Variants in SLC16A5 observed in about 807,000 individuals in gnomAD.
SLC16A5 encodes solute carrier family 16 member 5, also known as monocarboxylate transporter 6.
SLC16A5 carries 29 observed loss-of-function variants against 33.2 expected under a neutral mutation model. The ratio of observed to expected loss-of-function variants is 0.87; its 90% CI spans 0.65 to 1.19. The LOEUF is 1.19. Ranked by LOEUF, SLC16A5 falls within the 50% of genes most tolerant of loss-of-function variation. SLC16A5 has a pLI of 0.00. For missense variants in SLC16A5, 606 were observed against 678.2 expected (o/e 0.89, Z 1.18); for synonymous variants, 248 against 284.1 (o/e 0.87, Z 1.28).
rs2073742524 is a variant in SLC16A5 at position 75,098,023 on chromosome 17, T to C, written c.200-15T>C. ...CCTCATTCAGCTGCTACCTGCTGGC[T>C]GTCTTCTCCCACAGGGCCCCTGTGC... On this transcript the variant is annotated splice_polypyrimidine_tract_variant and intron_variant, in intron 3 of 6. Transcript: ENST00000329783. 1.3e-6 allele frequency: 2 copies of C among 1,572,436 alleles called. No individual in the cohort carries two copies. The highest frequency in any genetic ancestry group is 2.3e-5 in the South Asian group (2 of 85,446).
intron 5 of SLC16A5, among the ~76,000 whole-genome samples, chr17:75,102,090 CTTTTTCCCT>C (rs1431567611): frequency 2.0e-5 from 3 of 152,166 alleles, no homozygotes; most frequent in Admixed American, 6.6e-5. Context: ...CCAGGCAAGT[CTTTTTCCCT>C]TTTTGAGCCA....
intron 3 of SLC16A5, among the ~76,000 whole-genome samples, chr17:75,095,347 C>T (rs980385474): frequency 6.6e-6 from 1 of 152,296 alleles, no homozygotes; most frequent in Non-Finnish European, 1.5e-5. Flanking sequence ...ACCTACTCCC[C>T]AGCTGACTTG....
At chr17:75,087,851 A>C (rs28688213), upstream of SLC16A5, 1 of 152,116 alleles carries the variant, frequency 6.6e-6, no homozygotes, top group Admixed American at 6.6e-5. Flanking sequence ...CCCCTCCCGC[A>C]TCCTGGCCCC....
chr17:75,093,872 A>C lies in SLC16A5; in HGVS notation c.199+37A>C, dbSNP rs201920599. ...AGGGAGGGGCCGATGAGAAAGTCCT[A>C]GGGGTTGCGGGGAAGCCACAACCTC... is the stretch of plus-strand genomic sequence containing the variant. On this transcript the variant is annotated intron_variant, in intron 3 of 6. Coordinates refer to ENST00000329783, the MANE Select transcript of SLC16A5 (RefSeq NM_004695.4). 6 of 1,593,876 alleles carry C rather than the reference A, an allele frequency of 3.8e-6. No homozygotes were observed. The Admixed American group carries it at 5.1e-5, about 14-fold the overall frequency.
intron 2 of SLC16A5, among the ~76,000 whole-genome samples, chr17:75,090,554 G>A (rs968262735): frequency 2.0e-5 from 3 of 151,010 alleles, no homozygotes; most frequent in East Asian, 2.0e-4. Context: ...TCCGCCTCCC[G>A]GGTTCAAGCG....
chr17:75,104,951 C>T (rs2073845446), intron 6 of SLC16A5: 1 of 985,330 alleles, frequency 1.0e-6, no homozygotes, highest in African/African-American at 1.7e-5. Flanking sequence ...CTGGATGCCT[C>T]TATCATTTCT....
At chr17:75,108,033 C>A (rs930633514), downstream of SLC16A5, among the ~76,000 whole-genome samples, 1 of 151,962 alleles carries the variant, frequency 6.6e-6, no homozygotes, top group Non-Finnish European at 1.5e-5. Flanking sequence ...GAATCTGAGG[C>A]GGAGGTTGTA....
chr17:75,102,401 C>A (rs2073810961), intron 5 of SLC16A5, among the ~76,000 whole-genome samples: 1 of 144,892 alleles, frequency 6.9e-6, no homozygotes, highest in Non-Finnish European at 1.5e-5. Flanking sequence ...GAGTGAAACT[C>A]CAACTCGAAA....
intron 2 of SLC16A5, among the ~76,000 whole-genome samples, chr17:75,091,931 C>G (rs1568003563): frequency 6.6e-6 from 1 of 152,000 alleles, no homozygotes; most frequent in Non-Finnish European, 1.5e-5. Context: ...ACTTTGGAGG[C>G]CTGGTTATGG....
chr17:75,100,616 C>T lies in SLC16A5; in HGVS notation c.953C>T (p.Thr318Ile), dbSNP rs776992520. The T allele has an allele frequency of 2.5e-6, 4 of 1,614,222 alleles. No homozygotes were observed. In the Admixed American group the frequency reaches 5.0e-5, roughly 20 times the overall value. Reference sequence around the variant, plus strand: ...CTGGCACTCCTGCTCAATGGGCTCACTAACCTGGTGTGTGCGGCATCAGGT... The same window carrying T: ...CTGGCACTCCTGCTCAATGGGCTCATTAACCTGGTGTGTGCGGCATCAGGT... ...FSLALLLNGLTNLVCAASGDF... is the reference protein window; with the variant it reads ...FSLALLLNGLINLVCAASGDF... Residue 318 changes from threonine (T) to isoleucine (I), a missense_variant, in exon 5 of 7, where the codon ACT (threonine) becomes ATT (isoleucine). Physicochemically the swap from Thr to Ile is moderately conservative, Grantham distance 89. Transcript: ENST00000329783.
Position 75,105,190 on chromosome 17 carries a change from G to T in SLC16A5, c.1365-690G>T, listed in dbSNP as rs892234558. The T allele has an allele frequency of 4.1e-6, 4 of 985,340 alleles. No individual in the cohort carries two copies. In the African/African-American group the frequency reaches 7.0e-5, roughly 17 times the overall value. 61.0% of individuals were successfully genotyped at this position (985,340 alleles called of 1,614,324 possible). On this transcript the variant is annotated intron_variant, in intron 6 of 6. Coordinates refer to ENST00000329783, the MANE Select transcript of SLC16A5 (RefSeq NM_004695.4). ...GGCGCCTGTGCAGAGAACGGGAGGG[G>T]GGCCCCTGGCTTGGATCCTAGAATC...
At chr17:75,088,540 G>T (rs1232794825) in intron 1 of SLC16A5, among the ~76,000 whole-genome samples, 1 of 152,164 alleles carries the variant, frequency 6.6e-6, no homozygotes, top group Non-Finnish European at 1.5e-5. Context: ...CAACCACAGG[G>T]TTGAGGGTTC....
rs762787336 is a variant in SLC16A5, at chr17:75,100,172, G to A, written c.509G>A (p.Gly170Asp). The A allele has an allele frequency of 6.2e-7, 1 of 1,614,250 alleles. No homozygotes were observed. Among genetic ancestry groups the A allele is most frequent in the South Asian group, 1.1e-5 (1 of 91,086 alleles). ...RYLLENLGWR[G>D]TFLVFGGIFL... is the part of the protein sequence containing the mutation. ...CTTCTGGAGAACCTGGGCTGGAGGG[G>A]TACCTTCCTTGTCTTCGGCGGGATC... Residue 170 changes from glycine to aspartate, a missense_variant, in exon 5 of 7, where the codon GGT becomes GAT. Gly to Asp is a moderately conservative substitution (Grantham distance 94). Coordinates refer to ENST00000329783, the MANE Select transcript of SLC16A5 (RefSeq NM_004695.4).
In SLC16A5 at chr17:75,100,387, A is replaced by T. The variant is rs779903138; in HGVS notation, c.724A>T (p.Ile242Leu). 56 of 1,614,070 alleles carry T rather than the reference A, an allele frequency of 3.5e-5. No individual in the cohort carries two copies. Among genetic ancestry groups the T allele is most frequent in the Non-Finnish European group, 4.7e-5 (55 of 1,180,054 alleles). Reference protein sequence around the residue: ...LRHNTGYCVYILGVMWSVLGF... With the variant: ...LRHNTGYCVYLLGVMWSVLGF... Reference sequence around the variant, plus strand: ...GCACAACACAGGCTACTGCGTGTACATACTGGGTGTGATGTGGTCCGTCCT... The same window carrying T: ...GCACAACACAGGCTACTGCGTGTACTTACTGGGTGTGATGTGGTCCGTCCT... Residue 242 changes from isoleucine to leucine, a missense_variant, in exon 5 of 7, where the codon ATA (isoleucine) becomes TTA (leucine). Ile to Leu is a conservative substitution (Grantham distance 5). Transcript: ENST00000329783.
intron 3 of SLC16A5, among the ~76,000 whole-genome samples, chr17:75,096,280 GCCCGGCCACA>G (rs909890168): frequency 1.9e-4 from 29 of 151,660 alleles, no homozygotes; most frequent in African/African-American, 6.8e-4. Flanking sequence ...CCTGTGTCCC[GCCCGGCCACA>G]CCACCCTCAG....
chr17:75,100,594 G>A lies in SLC16A5; in HGVS notation c.931G>A (p.Ala311Thr). The A allele has an allele frequency of 6.2e-7, 1 of 1,614,230 alleles. No individual in the cohort carries two copies. Among genetic ancestry groups the A allele is most frequent in the Non-Finnish European group, 8.5e-7 (1 of 1,180,040 alleles). ...CCACCGCAAGTACCTGTTCAGCCTG[G>A]CACTCCTGCTCAATGGGCTCACTAA... Reference protein sequence around the residue: ...ASHRKYLFSLALLLNGLTNLV... With the variant: ...ASHRKYLFSLTLLLNGLTNLV... The change falls in exon 5 of 7, where the codon GCA becomes ACA. Residue 311 changes from alanine (A) to threonine (T), a missense_variant. Coordinates refer to ENST00000329783, the MANE Select transcript of SLC16A5 (RefSeq NM_004695.4).
chr17:75,094,101 G>A (rs189510800), intron 3 of SLC16A5, among the ~76,000 whole-genome samples: 189 of 152,328 alleles, frequency 1.2e-3, no homozygotes, highest in African/African-American at 4.3e-3. Flanking sequence ...CGACACAGGC[G>A]TAGGTGTGCT....
intron 4 of SLC16A5, among the ~76,000 whole-genome samples, chr17:75,098,923 G>C (rs1345005657): frequency 6.6e-6 from 1 of 152,112 alleles, no homozygotes; most frequent in African/African-American, 2.4e-5. Flanking sequence ...GGAGGTGTTG[G>C]GGGGCACAGA....
At chr17:75,099,681 C>T (rs1212261389) in intron 4 of SLC16A5, among the ~76,000 whole-genome samples, 3 of 152,176 alleles carry the variant, frequency 2.0e-5, no homozygotes, top group South Asian at 2.1e-4. Context: ...TCAAGTGATC[C>T]GCCAACCTTG....
Sources: allele counts gnomAD v4.1 joint callset (sites outside exome capture counted in the v4.1 genomes callset), GRCh38; gene constraint gnomAD v4.1.1; transcripts MANE v1.5; gene names NCBI Gene and HGNC (gene_info 2026-07-23, HGNC 2026-07-21).